LHFPL3: variants seen among roughly 807,000 people sequenced by gnomAD.
LHFPL3 encodes LHFPL tetraspan subfamily member 3, also known as LHFPL tetraspan subfamily member 3 protein.
LHFPL3 carries 5 observed loss-of-function variants against 19.3 expected under a neutral mutation model. The ratio of observed to expected loss-of-function variants is 0.26; its 90% CI spans 0.14 to 0.54. The LOEUF is 0.54. Ranked by LOEUF, LHFPL3 falls within the 20% of genes least tolerant of loss-of-function variation. LHFPL3 has a pLI of 0.94. For missense variants in LHFPL3, 249 were observed against 307.4 expected, an observed-to-expected ratio of 0.81 and a Z score of 1.42; for synonymous variants, 133 against 126.2, an observed-to-expected ratio of 1.05 and a Z score of -0.36.
chr7:104,667,682 A>G, intron 1 of LHFPL3: 1 of 1,145,524 alleles, frequency 8.7e-7, no homozygotes, highest in South Asian at 1.4e-5. Context: ...ACATGCCATT[A>G]TACATGCAAT....
intron 2 of LHFPL3, among the ~76,000 whole-genome samples, chr7:104,849,900 T>C (rs1471972171): frequency 6.6e-6 from 1 of 152,182 alleles, no homozygotes; most frequent in African/African-American, 2.4e-5. Context: ...AGAGGGAAAG[T>C]TAGAGTAATA....
In LHFPL3 at chr7:104,695,133, T is replaced by A. The variant is rs75864398; in HGVS notation, c.446-41542T>A. Among the ~76,000 whole-genome samples, 465 of 151,898 alleles carry A rather than the reference T, an allele frequency of 3.1e-3. 7 individuals are homozygous for A. Among genetic ancestry groups the A allele is most frequent in the African/African-American group, 0.01 (427 of 41,378 alleles). On this transcript the variant is annotated intron_variant, in intron 1 of 2. Transcript: ENST00000424859. ...GATTTCTTTCAATTAATTTTTTTTT[T>A]AAGACAGGTCTTGCTCTGTTGCCCA...
chr7:104,868,493 A>C (rs1238311494), intron 2 of LHFPL3, among the ~76,000 whole-genome samples: 1 of 152,232 alleles, frequency 6.6e-6, no homozygotes, highest in Non-Finnish European at 1.5e-5. Context: ...AAAAAAAATA[A>C]AATACCTAGG....
chr7:104,542,111 T>C (rs1349333957), intron 1 of LHFPL3, among the ~76,000 whole-genome samples: 1 of 151,808 alleles, frequency 6.6e-6, no homozygotes, highest in Non-Finnish European at 1.5e-5. Flanking sequence ...CTCTCCTTCC[T>C]GGCAAGCAGA....
chr7:104,439,870 C>T (rs980470145), intron 1 of LHFPL3, among the ~76,000 whole-genome samples: 2 of 151,950 alleles, frequency 1.3e-5, no homozygotes, highest in Non-Finnish European at 2.9e-5. Flanking sequence ...AAAGGTAAAA[C>T]ATAAAAATTG....
chr7:104,486,940 C>T (rs1793248481), intron 1 of LHFPL3, among the ~76,000 whole-genome samples: 2 of 152,180 alleles, frequency 1.3e-5, no homozygotes, highest in South Asian at 4.1e-4. Flanking sequence ...GAATTTTCCA[C>T]TTTGGCATTG....
intron 1 of LHFPL3, among the ~76,000 whole-genome samples, chr7:104,704,182 T>C (rs1793147462): frequency 6.6e-6 from 1 of 152,220 alleles, no homozygotes; most frequent in African/African-American, 2.4e-5. Context: ...ATGATTATAC[T>C]ATGAAAATTG....
At chr7:104,658,891 A>G (rs1194441030) in intron 1 of LHFPL3, among the ~76,000 whole-genome samples, 3 of 152,210 alleles carry the variant, frequency 2.0e-5, no homozygotes, top group African/African-American at 7.2e-5. Context: ...ACCCCAGATA[A>G]TTATGACACA....
intron 1 of LHFPL3, among the ~76,000 whole-genome samples, chr7:104,628,691 T>C (rs1791588717): frequency 6.6e-6 from 1 of 152,238 alleles, no homozygotes; most frequent in African/African-American, 2.4e-5. Context: ...ATTACTGGGA[T>C]TCCCTAGAGC....
chr7:104,440,037 G>GGCGGT (rs752612091), intron 1 of LHFPL3, among the ~76,000 whole-genome samples: 3 of 140,578 alleles, frequency 2.1e-5, no homozygotes, highest in South Asian at 4.6e-4. Context: ...ACAAAGCCTG[G>GGCGGT]GGGGGGGGAG....
intron 1 of LHFPL3, among the ~76,000 whole-genome samples, chr7:104,595,118 C>T (rs950430232): frequency 1.3e-5 from 2 of 152,190 alleles, no homozygotes; most frequent in Non-Finnish European, 2.9e-5. Flanking sequence ...GGAGAAGAGG[C>T]ACTCTGATTT....
At chr7:104,678,772 G>A (rs115571768) in intron 1 of LHFPL3, among the ~76,000 whole-genome samples, 1,786 of 152,190 alleles carry the variant, frequency 0.012, 32 homozygotes, top group African/African-American at 0.04. Context: ...TCATTACATT[G>A]CAATTAACTC....
chr7:104,754,530 T>C (rs1054399459), intron 2 of LHFPL3, among the ~76,000 whole-genome samples: 1 of 152,208 alleles, frequency 6.6e-6, no homozygotes, highest in African/African-American at 2.4e-5. Context: ...ACTCTTAAGC[T>C]TCTTCGTGTG....
chr7:104,634,754 C>T (rs1462760802), intron 1 of LHFPL3, among the ~76,000 whole-genome samples: 3 of 152,168 alleles, frequency 2.0e-5, no homozygotes, highest in Non-Finnish European at 4.4e-5. Context: ...CCCAGAAGGC[C>T]AGCTGGCTAT....
At chr7:104,369,877 T>C (rs1790576473) in intron 1 of LHFPL3, among the ~76,000 whole-genome samples, 1 of 152,240 alleles carries the variant, frequency 6.6e-6, no homozygotes. Flanking sequence ...TTTTGAGTTA[T>C]AAGAGTTTTT....
At chr7:104,654,158 T>G (rs1376966316) in intron 1 of LHFPL3, among the ~76,000 whole-genome samples, 1 of 152,156 alleles carries the variant, frequency 6.6e-6, no homozygotes, top group East Asian at 1.9e-4. Context: ...GGTTTCTTAG[T>G]CAGTTGCTTT....
intron 2 of LHFPL3, among the ~76,000 whole-genome samples, chr7:104,905,520 G>A (rs924516444): frequency 4.9e-4 from 74 of 152,150 alleles, no homozygotes; most frequent in African/African-American, 1.6e-3. Flanking sequence ...TCAGGAGTTC[G>A]AGATCAGCCT....
chr7:104,489,620 GAT>G (rs1446460799), intron 1 of LHFPL3, among the ~76,000 whole-genome samples: 1 of 151,710 alleles, frequency 6.6e-6, no homozygotes, highest in Admixed American at 6.6e-5. Context: ...AGCCCTTTCA[GAT>G]CCCCCTTGCC....
At position 104,845,295 on chromosome 7, in the gene LHFPL3, G is replaced by T; in HGVS notation, c.683-60892G>T. ...CACCGTCAATGGAATAGCCAGGAAT[G>T]ACGTTGTCAGTTTTAATCTTTAAAA... On this transcript the variant is annotated intron_variant, in intron 2 of 2. Transcript: ENST00000424859. 5.2e-6 allele frequency: 4 copies of T among 767,120 alleles called. No homozygotes were observed. In the South Asian group the frequency reaches 5.9e-5, roughly 11 times the overall value. The allele number at this position is 767,120 out of a possible 1,614,324, so 47.5% of individuals were successfully genotyped here.
Sources: allele counts gnomAD v4.1 joint callset (sites outside exome capture counted in the v4.1 genomes callset), GRCh38; gene constraint gnomAD v4.1.1; transcripts MANE v1.5; gene names NCBI Gene and HGNC (gene_info 2026-07-23, HGNC 2026-07-21).